FLNB: variants seen among roughly 807,000 people sequenced by gnomAD.
FLNB encodes filamin B.
Under a neutral mutation model 250.6 loss-of-function variants are expected in FLNB, and 111 were observed. The ratio of observed to expected loss-of-function variants is 0.44; its 90% CI spans 0.38 to 0.52. The LOEUF (loss-of-function observed/expected upper bound fraction) is 0.52, where lower values mean the gene tolerates loss of function less well. Among genes scored for constraint, FLNB ranks in the 20% least tolerant of loss-of-function variants. The probability of loss-of-function intolerance (pLI) is 0.00; values close to 1 mark genes in which losing one functional copy is unlikely to be tolerated. For synonymous variants in FLNB, 1,302 were observed against 1,372.1 expected, an observed-to-expected ratio of 0.95 and a Z score of 1.13; for missense variants, 2,869 against 3,447.8, an observed-to-expected ratio of 0.83 and a Z score of 4.20.
At chr3:58,029,904 C>A (rs763451606) in intron 1 of FLNB, among the ~76,000 whole-genome samples, 13 of 152,154 alleles carry the variant, frequency 8.5e-5, no homozygotes, top group Admixed American at 6.5e-5. Context: ...GTCCTCACTG[C>A]TCTCATCTAT....
At chr3:58,161,695 T>C (rs184256467) in intron 42 of FLNB, among the ~76,000 whole-genome samples, 1 of 152,208 alleles carries the variant, frequency 6.6e-6, no homozygotes, top group Non-Finnish European at 1.5e-5. Flanking sequence ...GATTTGGTCA[T>C]TGAGCTGCGC....
intron 1 of FLNB, among the ~76,000 whole-genome samples, chr3:58,061,222 A>G (rs4681781): frequency 0.01 from 1,588 of 152,316 alleles, 105 homozygotes; most frequent in Admixed American, 0.093. Context: ...CAGTCTGTAC[A>G]TAGATGAATT....
At chr3:58,125,772 G>A (rs2097296782) in intron 23 of FLNB, 29 bp downstream of exon 23, 2 of 1,610,684 alleles carry the variant, frequency 1.2e-6, no homozygotes. Context: ...TTGGTGTCTT[G>A]AGTCTCACTT....
intron 6 of FLNB, 22 bp from the exon 7 acceptor site, chr3:58,097,793 C>T: frequency 6.2e-7 from 1 of 1,611,316 alleles, no homozygotes; most frequent in Non-Finnish European, 8.5e-7. Flanking sequence ...TTATGTATTT[C>T]TCACCTATCT....
At chr3:58,108,234 T>C (rs1370365736) in intron 12 of FLNB, among the ~76,000 whole-genome samples, 1 of 152,188 alleles carries the variant, frequency 6.6e-6, no homozygotes, top group Non-Finnish European at 1.5e-5. Context: ...GGCCGTGGGT[T>C]GGATTTGTTT....
intron 1 of FLNB, among the ~76,000 whole-genome samples, chr3:58,025,133 C>CTTTTTTTT (rs57706596): frequency 3.4e-5 from 4 of 116,548 alleles, no homozygotes; most frequent in African/African-American, 1.4e-4. Context: ...TTCTTTCTTT[C>CTTTTTTTT]TTTTTTTTTT....
intron 1 of FLNB, among the ~76,000 whole-genome samples, chr3:58,074,534 C>T (rs13318633): frequency 0.26 from 39,049 of 152,074 alleles, 5,972 homozygotes; most frequent in Middle Eastern, 0.4. Context: ...CAGTTAAAGA[C>T]AGCAACACAT....
chr3:58,023,004 C>T (rs1487406516), intron 1 of FLNB, among the ~76,000 whole-genome samples: 7 of 150,928 alleles, frequency 4.6e-5, no homozygotes, highest in South Asian at 2.1e-4. Context: ...TTAGTAGAGA[C>T]GGGGTTTCAC....
chr3:58,121,446 C>A lies in FLNB; in HGVS notation c.3069C>A (p.His1023Gln). ...LYAVDVTYDGHPVPGSPYTVE... is the reference protein window; with the variant it reads ...LYAVDVTYDGQPVPGSPYTVE... ...CTGTAGACGTGACCTACGATGGACA[C>A]CCTGTGCCCGGGAGCCCCTACACAG... The change falls in exon 20 of 46, where the codon CAC (histidine) becomes CAA (glutamine). Residue 1023 changes from histidine (H) to glutamine (Q), a missense_variant. Physicochemically the swap from His to Gln is conservative, Grantham distance 24 (BLOSUM62 0). Around this residue, in one of 5 missense-constraint regions of FLNB, gnomAD observed 1,348 missense variants for 1,466.7 expected, o/e 0.92. Coordinates refer to ENST00000295956, the MANE Select transcript of FLNB (RefSeq NM_001457.4). 6.2e-7 allele frequency: 1 copy of A among 1,614,118 alleles called. No homozygotes were observed. The highest frequency in any genetic ancestry group is 1.1e-5 in the South Asian group (1 of 91,074).
rs567271880 is a variant in FLNB, at chr3:58,172,052, G to A, written c.*1290G>A. On this transcript the variant is annotated 3_prime_UTR_variant, in exon 46 of 46. Coordinates refer to ENST00000295956, the MANE Select transcript of FLNB (RefSeq NM_001457.4). ...GGTTTTGCTGCTTAGTCCTGAGGAA[G>A]TGGCCACTCTTGTGGCAGGTGTAGT... is the stretch of plus-strand genomic sequence containing the variant. 3.9e-5 allele frequency: 6 copies of A among 152,708 alleles called. No homozygotes were observed. The highest frequency in any genetic ancestry group is 8.8e-5 in the Non-Finnish European group (6 of 68,060). The allele number at this position is 152,708 out of a possible 1,614,324, so 9.5% of individuals were successfully genotyped here. A position where few individuals can be genotyped will look rare whatever the true frequency, so the allele number is the denominator to read the frequency against.
intron 1 of FLNB, among the ~76,000 whole-genome samples, chr3:58,042,656 ACTTGGCATG>A (rs1374018895): frequency 6.6e-6 from 1 of 152,046 alleles, no homozygotes; most frequent in Non-Finnish European, 1.5e-5. Context: ...CTGGGAGGCT[ACTTGGCATG>A]CATCACAAGG....
chr3:58,140,870 G>A (rs2097325803), intron 29 of FLNB, among the ~76,000 whole-genome samples: 1 of 152,214 alleles, frequency 6.6e-6, no homozygotes, highest in South Asian at 2.1e-4. Flanking sequence ...CTCCCAAAGT[G>A]CTGGGATTAC....
chr3:58,101,778 C>CA (rs998773167), intron 8 of FLNB, among the ~76,000 whole-genome samples: 40 of 152,336 alleles, frequency 2.6e-4, no homozygotes, highest in African/African-American at 9.6e-4. Context: ...GGAACCCAGA[C>CA]AGGCATTTTC....
Position 58,123,121 on chromosome 3 carries a change from GT to G in FLNB, c.3156del (p.Gly1053ValfsTer23). 1 of 1,614,178 alleles carries G rather than the reference GT, an allele frequency of 6.2e-7. No individual in the cohort carries two copies. The highest frequency in any genetic ancestry group is 8.5e-7 in the Non-Finnish European group (1 of 1,180,028). ...AAGGCCCACGGTCCCGGCCTCGAAGGTGGTCTCGTGGGCAAGCCTGCCGAGT... is the reference window on the plus strand; with the variant it reads ...AAGGCCCACGGTCCCGGCCTCGAAGGGGTCTCGTGGGCAAGCCTGCCGAGT... The part of the protein sequence containing the change: ...KVKAHGPGLE[G>X]GLVGKPAEFT... On this transcript the variant is annotated frameshift_variant, in exon 21 of 46. Coordinates refer to ENST00000295956, the MANE Select transcript of FLNB (RefSeq NM_001457.4). LOFTEE classifies it high-confidence loss of function.
chr3:58,094,447 A>G (rs1019453981), intron 4 of FLNB, among the ~76,000 whole-genome samples: 2 of 152,254 alleles, frequency 1.3e-5, no homozygotes, highest in Admixed American at 1.3e-4. Flanking sequence ...AAGGTTAATT[A>G]AAAAAATGAT....
At chr3:58,060,361 T>C (rs2097176319) in intron 1 of FLNB, among the ~76,000 whole-genome samples, 1 of 150,360 alleles carries the variant, frequency 6.7e-6, no homozygotes, top group Admixed American at 6.6e-5. Context: ...TCTTTTTTTT[T>C]TTTTTTTTTT....
At chr3:58,162,663 A>C (rs1380541489) in intron 42 of FLNB, 1 of 180,498 alleles carries the variant, frequency 5.5e-6, no homozygotes, top group Admixed American at 5.5e-5. Flanking sequence ...TGAACTCCCC[A>C]ATGGGTGAAC....
chr3:58,043,364 T>C (rs1480874270), intron 1 of FLNB, among the ~76,000 whole-genome samples: 1 of 152,040 alleles, frequency 6.6e-6, no homozygotes, highest in African/African-American at 2.4e-5. Context: ...TTTGGCATTC[T>C]TTTGAGTACA....
chr3:58,108,446 C>T lies in FLNB; in HGVS notation c.1942-12C>T, dbSNP rs554837298. On this transcript the variant is annotated splice_polypyrimidine_tract_variant and intron_variant, in intron 12 of 45. Transcript: ENST00000295956. Reference sequence around the variant, plus strand: ...TACACAGAAAGAGACTTACTATCTGCCTTTGCTTCAGGTTCGAGCATACGG... The same window carrying T: ...TACACAGAAAGAGACTTACTATCTGTCTTTGCTTCAGGTTCGAGCATACGG... 9 of 1,570,952 alleles carry T rather than the reference C, an allele frequency of 5.7e-6. No homozygotes were observed. Among genetic ancestry groups the T allele is most frequent in the Middle Eastern group, 1.7e-4 (1 of 5,982 alleles).
Sources: gnomAD v4.1 joint callset for allele counts (sites outside exome capture counted in the v4.1 genomes callset) on GRCh38, gnomAD v4.1.1 for gene constraint, gnomAD v4.1.1 regional missense constraint, MANE v1.5 for transcripts, NCBI Gene and HGNC (gene_info 2026-07-23, HGNC 2026-07-21) for gene names.